NEK11: variants seen among roughly 807,000 people sequenced by gnomAD.
NEK11 encodes serine/threonine-protein kinase Nek11.
NEK11 carries 72 observed loss-of-function variants against 80.7 expected under a neutral mutation model. The observed-to-expected ratio is 0.89, with a 90% CI of 0.74 to 1.08. NEK11 has a LOEUF of 1.08. Ranked by LOEUF, NEK11 falls within the 50% of genes least tolerant of loss-of-function variation. The probability of loss-of-function intolerance (pLI) is 0.00; values close to 1 mark genes in which losing one functional copy is unlikely to be tolerated. For synonymous variants in NEK11, 251 were observed against 260.7 expected (o/e 0.96, Z 0.36); for missense variants, 764 against 763.6 (o/e 1.00, Z -0.01).
At chr3:131,059,038 TA>T (rs1225371895) in intron 3 of NEK11, among the ~76,000 whole-genome samples, 2 of 152,138 alleles carry the variant, frequency 1.3e-5, no homozygotes, top group Non-Finnish European at 2.9e-5. Flanking sequence ...AAAGAAAGAT[TA>T]AAAAAATTGT....
At chr3:131,192,148 A>C (rs970672024) in intron 14 of NEK11, among the ~76,000 whole-genome samples, 4 of 152,204 alleles carry the variant, frequency 2.6e-5, no homozygotes, top group African/African-American at 9.6e-5. Flanking sequence ...AAATTTCTCC[A>C]AAGAAGATAT....
At chr3:131,317,768 AAGG>A (rs1561516762) in intron 17 of NEK11, among the ~76,000 whole-genome samples, 1 of 26,926 alleles carries the variant, frequency 3.7e-5, no homozygotes. Context: ...ACCCAAGAAG[AAGG>A]AGAAGGAGGA....
intron 10 of NEK11, among the ~76,000 whole-genome samples, chr3:131,159,610 C>A (rs1420077108): frequency 6.6e-6 from 1 of 152,036 alleles, no homozygotes; most frequent in Non-Finnish European, 1.5e-5. Context: ...TACAAAAATA[C>A]AAAAGTTAGC....
chr3:131,227,941 G>GT (rs2095245598), intron 14 of NEK11, among the ~76,000 whole-genome samples: 1 of 152,084 alleles, frequency 6.6e-6, no homozygotes, highest in Non-Finnish European at 1.5e-5. Flanking sequence ...GTAAGGTTGA[G>GT]TAAGTAGGAC....
intron 17 of NEK11, among the ~76,000 whole-genome samples, chr3:131,345,697 G>A (rs1337018934): frequency 6.6e-6 from 1 of 152,128 alleles, no homozygotes; most frequent in Non-Finnish European, 1.5e-5. Flanking sequence ...ACCCAAAGGA[G>A]AAGAAAATAC....
chr3:131,192,266 C>T (rs2093826956), intron 14 of NEK11, among the ~76,000 whole-genome samples: 1 of 152,062 alleles, frequency 6.6e-6, no homozygotes, highest in Non-Finnish European at 1.5e-5. Context: ...AGAATGGCAA[C>T]TATCAAAAAA....
chr3:131,074,711 A>G (rs1452572664), intron 3 of NEK11, among the ~76,000 whole-genome samples: 1 of 152,226 alleles, frequency 6.6e-6, no homozygotes, highest in Non-Finnish European at 1.5e-5. Context: ...AAGGCAATGC[A>G]GCAAGTATAA....
intron 17 of NEK11, chr3:131,328,739 C>G (rs1482528882): frequency 6.6e-6 from 1 of 152,168 alleles, no homozygotes; most frequent in Non-Finnish European, 1.5e-5. Flanking sequence ...GCTTGTTTTT[C>G]TAGGAGTGGG....
At chr3:131,268,566 C>G (rs2096111614) in intron 16 of NEK11, among the ~76,000 whole-genome samples, 1 of 152,230 alleles carries the variant, frequency 6.6e-6, no homozygotes, top group South Asian at 2.1e-4. Context: ...GAGGTCCACT[C>G]CAGACCCTGT....
intron 13 of NEK11, 148 bp from the exon 14 acceptor site, chr3:131,170,625 T>G: frequency 1.7e-6 from 1 of 604,478 alleles, no homozygotes; most frequent in South Asian, 2.0e-5. Context: ...TTATCCCACC[T>G]TACCTCCTGA....
chr3:131,239,676 G>A (rs1167062033), intron 15 of NEK11, among the ~76,000 whole-genome samples: 1 of 152,176 alleles, frequency 6.6e-6, no homozygotes, highest in African/African-American at 2.4e-5. Context: ...CCTTCAAGGT[G>A]AAGGAGCAGT....
At chr3:131,042,160 C>G (rs1577335406) in intron 3 of NEK11, among the ~76,000 whole-genome samples, 1 of 152,276 alleles carries the variant, frequency 6.6e-6, no homozygotes, top group Admixed American at 6.5e-5. Context: ...AAGCACAAAA[C>G]TGGGCAACCG....
At position 131,079,597 on chromosome 3, in the gene NEK11, C is replaced by T. The variant is rs140199105; in HGVS notation, c.171-826C>T. 8.1e-3 allele frequency among the ~76,000 whole-genome samples: 1,238 copies of T among 152,178 alleles called. 21 individuals carry two copies. Among genetic ancestry groups the T allele is most frequent in the African/African-American group, 0.028 (1,171 of 41,520 alleles). On this transcript the variant is annotated intron_variant, in intron 3 of 17. Transcript: ENST00000383366. ...TACTATAATTGATTTGTTTATCAGA[C>T]TCTTTTTTTTCTTAGATGGGAAGAG...
intron 15 of NEK11, among the ~76,000 whole-genome samples, chr3:131,240,990 G>A (rs758723613): frequency 1.3e-5 from 2 of 152,130 alleles, no homozygotes; most frequent in African/African-American, 2.4e-5. Context: ...GAGGTCATAT[G>A]CCTTATGAAA....
chr3:131,158,234 G>A (rs946759194), intron 10 of NEK11, among the ~76,000 whole-genome samples: 1 of 152,132 alleles, frequency 6.6e-6, no homozygotes, highest in Non-Finnish European at 1.5e-5. Flanking sequence ...GAGAGATCCA[G>A]TAGGGAGGCC....
At chr3:131,068,016 C>T (rs1263789769) in intron 3 of NEK11, among the ~76,000 whole-genome samples, 1 of 152,106 alleles carries the variant, frequency 6.6e-6, no homozygotes. Context: ...GATGATGAAG[C>T]TGGACTAGCA....
chr3:131,129,566 A>G (rs568843548), intron 5 of NEK11, among the ~76,000 whole-genome samples: 1 of 152,124 alleles, frequency 6.6e-6, no homozygotes, highest in Admixed American at 6.5e-5. Context: ...ATTATTTTCT[A>G]GCAGTTTTAT....
chr3:131,349,861 G>A lies in NEK11; in HGVS notation c.*85G>A. ...CATATAAGCTGAACTCTATTATGGGGAATGGATACAAAAGCAGAGCTCCCA... is the reference window on the plus strand; with the variant it reads ...CATATAAGCTGAACTCTATTATGGGAAATGGATACAAAAGCAGAGCTCCCA... On this transcript the variant is annotated 3_prime_UTR_variant, in exon 18 of 18. Transcript: ENST00000383366. 9.9e-7 allele frequency: 1 copy of A among 1,010,308 alleles called. No homozygotes were observed. Among genetic ancestry groups the A allele is most frequent in the Non-Finnish European group, 1.5e-6 (1 of 671,238 alleles). 62.6% of individuals were successfully genotyped at this position (1,010,308 alleles called of 1,614,324 possible). A position where few individuals can be genotyped will look rare whatever the true frequency, so the allele number is the denominator to read the frequency against.
chr3:131,213,140 A>G (rs1488583297), intron 14 of NEK11, among the ~76,000 whole-genome samples: 3 of 151,990 alleles, frequency 2.0e-5, no homozygotes, highest in Non-Finnish European at 4.4e-5. Context: ...GCCAGCCCCC[A>G]TAATTGCGTG....
Sources: gnomAD v4.1 joint callset for allele counts (sites outside exome capture counted in the v4.1 genomes callset) on GRCh38, gnomAD v4.1.1 for gene constraint, MANE v1.5 for transcripts, NCBI Gene and HGNC (gene_info 2026-07-23, HGNC 2026-07-21) for gene names.